SOX6: variants seen among roughly 807,000 people sequenced by gnomAD.
SOX6 encodes SRY-box transcription factor 6, also known as transcription factor SOX-6.
Under a neutral mutation model 97.8 loss-of-function variants are expected in SOX6, and 11 were observed. The observed-to-expected ratio is 0.11, with a 90% CI of 0.07 to 0.19. SOX6 has a LOEUF of 0.19. Ranked by LOEUF, SOX6 falls within the 10% of genes least tolerant of loss-of-function variation. The pLI is 1.00. For missense variants in SOX6, 810 were observed against 1,039.5 expected (o/e 0.78, Z 3.04); for synonymous variants, 360 against 371.4 (o/e 0.97, Z 0.35).
At chr11:16,343,537 T>C (rs760775983) in intron 1 of SOX6, among the ~76,000 whole-genome samples, 3 of 151,846 alleles carry the variant, frequency 2.0e-5, no homozygotes, top group Non-Finnish European at 4.4e-5. Flanking sequence ...TAAATACAAC[T>C]CTGCAGCTGT....
intron 4 of SOX6, among the ~76,000 whole-genome samples, chr11:16,590,531 A>G (rs868487037): frequency 2.0e-5 from 3 of 152,156 alleles, no homozygotes; most frequent in Non-Finnish European, 4.4e-5. Flanking sequence ...CATGATAATG[A>G]AATTACTTTA....
intron 1 of SOX6, among the ~76,000 whole-genome samples, chr11:16,391,742 C>G (rs1858189971): frequency 6.6e-6 from 1 of 151,952 alleles, no homozygotes; most frequent in Non-Finnish European, 1.5e-5. Context: ...TTCAATCCTA[C>G]CCTCATGCAA....
At chr11:16,036,326 G>A (rs1385631260) in intron 12 of SOX6, among the ~76,000 whole-genome samples, 4 of 151,976 alleles carry the variant, frequency 2.6e-5, no homozygotes, top group South Asian at 2.1e-4. Flanking sequence ...TGATCCACCC[G>A]CCTTGGCCTC....
intron 5 of SOX6, among the ~76,000 whole-genome samples, chr11:16,186,521 A>T (rs908318453): frequency 6.6e-6 from 1 of 152,148 alleles, no homozygotes; most frequent in African/African-American, 2.4e-5. Context: ...GCATCCCCAA[A>T]TCATTAATCA....
intron 3 of SOX6, among the ~76,000 whole-genome samples, chr11:16,284,256 C>G (rs1190051731): frequency 2.0e-5 from 3 of 152,040 alleles, no homozygotes; most frequent in Non-Finnish European, 4.4e-5. Flanking sequence ...TTATTTGCTA[C>G]TGAACATAAT....
chr11:16,207,572 C>T (rs1323700390), intron 4 of SOX6, among the ~76,000 whole-genome samples: 8 of 146,316 alleles, frequency 5.5e-5, no homozygotes, highest in African/African-American at 2.0e-4. Context: ...CCACCTTGGG[C>T]GACAGAGCGA....
In SOX6 at chr11:16,380,214, G is replaced by C. The variant is rs1857770392; in HGVS notation, c.-4-38962C>G. On this transcript the variant is annotated intron_variant, in intron 1 of 15. Transcript: ENST00000396356. ...CATTTTAAAAAGAAAAGGTAGGTAGGAGAAGAGAATCTGATGCCATAGGGA... is the reference window on the plus strand; with the variant it reads ...CATTTTAAAAAGAAAAGGTAGGTAGCAGAAGAGAATCTGATGCCATAGGGA... Among the ~76,000 whole-genome samples, 3 of 151,872 alleles carry C rather than the reference G, an allele frequency of 2.0e-5. No individual in the cohort carries two copies. In the South Asian group the frequency reaches 6.2e-4, roughly 32 times the overall value.
intron 4 of SOX6, among the ~76,000 whole-genome samples, chr11:16,571,642 T>G (rs1847939904): frequency 2.0e-5 from 3 of 151,368 alleles, no homozygotes; most frequent in South Asian, 2.1e-4. Flanking sequence ...GTTTGGGGGG[T>G]TTTGTTATTG....
rs559423791 is a variant in SOX6, at chr11:16,356,457, T to A, written c.-368A>T. 6.6e-6 allele frequency among the ~76,000 whole-genome samples: 1 copy of A among 152,208 alleles called. No individual in the cohort carries two copies. The highest frequency in any genetic ancestry group is 1.9e-4 in the East Asian group (1 of 5,168). ...ACTGCTGCTACAGTTAAGCAAACTT[T>A]ACAAGCTAGTCAAGCCATCATCCAA... On this transcript the variant is annotated 5_prime_UTR_variant, in exon 1 of 16. Transcript: ENST00000683767.
intron 6 of SOX6, among the ~76,000 whole-genome samples, chr11:16,132,585 T>C (rs1849848474): frequency 6.6e-6 from 1 of 152,018 alleles, no homozygotes; most frequent in South Asian, 2.1e-4. Flanking sequence ...TGGGTACTTA[T>C]TAACATCATC....
chr11:16,347,633 A>C (rs1856804553), intron 1 of SOX6, among the ~76,000 whole-genome samples: 1 of 152,122 alleles, frequency 6.6e-6, no homozygotes, highest in Non-Finnish European at 1.5e-5. Context: ...TCTCTCTGTC[A>C]GCGTGAAACT....
At chr11:16,556,016 TA>T (rs1285359321) in intron 4 of SOX6, among the ~76,000 whole-genome samples, 1 of 151,652 alleles carries the variant, frequency 6.6e-6, no homozygotes, top group Non-Finnish European at 1.5e-5. Context: ...TCTGTTTAAT[TA>T]AAAATGAGGA....
At chr11:16,693,767 G>A (rs1848033131) in intron 3 of SOX6, among the ~76,000 whole-genome samples, 1 of 152,016 alleles carries the variant, frequency 6.6e-6, no homozygotes, top group African/African-American at 2.4e-5. Context: ...TCATCATTAA[G>A]GAGCCAAAAA....
chr11:15,973,257 A>G (rs1346933056), intron 15 of SOX6, 145 bp from the exon 16 acceptor site: 21 of 824,628 alleles, frequency 2.5e-5, no homozygotes, highest in Non-Finnish European at 3.8e-5. Flanking sequence ...AAATGTGACA[A>G]AGGTGTTCCC....
At chr11:16,430,102 G>A (rs935024885) in intron 1 of SOX6, among the ~76,000 whole-genome samples, 73 of 152,268 alleles carry the variant, frequency 4.8e-4, no homozygotes, top group African/African-American at 1.7e-3. Flanking sequence ...CAATCTTCCA[G>A]TTCCTGGAAC....
At chr11:16,148,212 T>A (rs1232879754) in intron 6 of SOX6, among the ~76,000 whole-genome samples, 4 of 152,174 alleles carry the variant, frequency 2.6e-5, no homozygotes, top group Non-Finnish European at 4.4e-5. Flanking sequence ...AGTTGTTGAG[T>A]TAGACCACCC....
chr11:16,406,054 C>T (rs972736124), intron 1 of SOX6, among the ~76,000 whole-genome samples: 6 of 151,982 alleles, frequency 3.9e-5, no homozygotes, highest in Non-Finnish European at 7.4e-5. Context: ...TCGTTCTGTG[C>T]CCCATAAGGC....
intron 6 of SOX6, among the ~76,000 whole-genome samples, chr11:16,174,288 T>C (rs757353448): frequency 5.3e-5 from 8 of 151,938 alleles, no homozygotes; most frequent in Non-Finnish European, 1.2e-4. Context: ...GACTACAACC[T>C]GACTGAGGAT....
At chr11:16,325,123 T>G (rs556834896) in intron 2 of SOX6, among the ~76,000 whole-genome samples, 1 of 152,170 alleles carries the variant, frequency 6.6e-6, no homozygotes, top group Non-Finnish European at 1.5e-5. Context: ...AAGTTCTCGA[T>G]ATTTTGTAAA....
Sources: allele counts gnomAD v4.1 joint callset (sites outside exome capture counted in the v4.1 genomes callset), GRCh38; gene constraint gnomAD v4.1.1; transcripts MANE v1.5; gene names NCBI Gene and HGNC (gene_info 2026-07-23, HGNC 2026-07-21).